NAALADL2: variants seen among roughly 807,000 people sequenced by gnomAD.
NAALADL2 encodes the protein inactive N-acetylated-alpha-linked acidic dipeptidase-like protein 2.
In NAALADL2, 76 loss-of-function variants were observed where a neutral mutation model predicts 87.2. That is an observed-to-expected ratio of 0.87 (90% CI 0.72 to 1.05). The LOEUF (loss-of-function observed/expected upper bound fraction) is 1.05. Among genes scored for constraint, NAALADL2 ranks in the 50% least tolerant of loss-of-function variants. NAALADL2 has a pLI of 0.00. For synonymous variants in NAALADL2, 354 were observed against 331.0 expected (o/e 1.07, Z -0.75); for missense variants, 1,089 against 945.8 (o/e 1.15, Z -1.99).
At chr3:174,539,524 A>T (rs4336135) in intron 1 of NAALADL2, among the ~76,000 whole-genome samples, 32,216 of 151,918 alleles carry the variant, frequency 0.21, 4,921 homozygotes, top group East Asian at 0.52. Flanking sequence ...CATTCTAGAG[A>T]CTTACTTATG....
intron 3 of NAALADL2, among the ~76,000 whole-genome samples, chr3:174,825,944 G>A (rs1474687745): frequency 6.6e-6 from 1 of 151,932 alleles, no homozygotes; most frequent in Non-Finnish European, 1.5e-5. Flanking sequence ...GGAGAATGGC[G>A]TGAACCCTGG....
intron 1 of NAALADL2, among the ~76,000 whole-genome samples, chr3:174,875,322 T>G (rs1728372752): frequency 6.6e-6 from 1 of 151,908 alleles, no homozygotes; most frequent in Non-Finnish European, 1.5e-5. Context: ...AAAGCAGGAG[T>G]GAAAAGAGTA....
At position 174,924,818 on chromosome 3, in the gene NAALADL2, A is replaced by G. The variant is rs1441945722; in HGVS notation, c.43+65368A>G. Among the ~76,000 whole-genome samples, 8 of 152,140 alleles carry G rather than the reference A, an allele frequency of 5.3e-5. No homozygotes were observed. In the South Asian group the frequency reaches 6.2e-4, roughly 12 times the overall value. On this transcript the variant is annotated intron_variant, in intron 1 of 13. Transcript: ENST00000454872. ...TGCATTTCTCTGATGGCCAGTGATG[A>G]TGAGCATTTTTTCAAGAGTCTGTTG...
At chr3:175,609,825 G>A (rs182579612) in intron 10 of NAALADL2, among the ~76,000 whole-genome samples, 3 of 152,198 alleles carry the variant, frequency 2.0e-5, no homozygotes, top group East Asian at 1.9e-4. Flanking sequence ...ACGACTTGCA[G>A]TTTTGATGAG....
At chr3:175,522,693 T>C (rs951212228) in intron 9 of NAALADL2, among the ~76,000 whole-genome samples, 1 of 152,248 alleles carries the variant, frequency 6.6e-6, no homozygotes, top group African/African-American at 2.4e-5. Flanking sequence ...ACTTCTGATA[T>C]TGTCTTCTCA....
chr3:175,155,220 C>T (rs1415902900), intron 2 of NAALADL2, among the ~76,000 whole-genome samples: 1 of 152,128 alleles, frequency 6.6e-6, no homozygotes, highest in Non-Finnish European at 1.5e-5. Context: ...ATGAGAGTTT[C>T]AGAGGTCTCC....
intron 1 of NAALADL2, among the ~76,000 whole-genome samples, chr3:175,024,460 T>A (rs975605833): frequency 1.3e-5 from 2 of 152,100 alleles, no homozygotes; most frequent in African/African-American, 4.8e-5. Flanking sequence ...AAATAGGAGA[T>A]ACCTGCTAGG....
At chr3:174,588,236 G>C (rs545355619) in intron 2 of NAALADL2, among the ~76,000 whole-genome samples, 104 of 152,208 alleles carry the variant, frequency 6.8e-4, no homozygotes, top group African/African-American at 2.4e-3. Context: ...TCATTAAGGT[G>C]TTCTCTATGC....
intron 2 of NAALADL2, among the ~76,000 whole-genome samples, chr3:175,143,262 G>A (rs1371145652): frequency 1.3e-5 from 2 of 151,872 alleles, no homozygotes; most frequent in Non-Finnish European, 2.9e-5. Flanking sequence ...ATTTCCCCAC[G>A]TTTTAGTGCA....
In NAALADL2 at chr3:175,447,231, G is replaced by T; in HGVS notation, c.1093G>T (p.Glu365Ter). 1.3e-6 allele frequency: 2 copies of T among 1,576,016 alleles called. No homozygotes were observed. The highest frequency in any genetic ancestry group is 1.7e-6 in the Non-Finnish European group (2 of 1,165,774). The change falls in exon 6 of 14, where the codon GAA (glutamate) becomes TAA (stop). Residue 365 changes from glutamate to a stop codon, truncating the protein, a stop_gained and splice_region_variant. Transcript: ENST00000454872. LOFTEE classifies it high-confidence loss of function. ...CTTCCTTTGTCTTTTGAATACAGAT[G>T]AAAGTTTTAGACAAAGCCGATCAAA... is the stretch of plus-strand genomic sequence containing the variant. ...PSTPGYPSVD[E>*]SFRQSRSNLT...
intron 1 of NAALADL2, among the ~76,000 whole-genome samples, chr3:174,446,278 G>T (rs1172558613): frequency 6.6e-6 from 1 of 152,100 alleles, no homozygotes; most frequent in African/African-American, 2.4e-5. Flanking sequence ...CTTCAGAAGT[G>T]CTATGAATCC....
At chr3:174,966,460 G>A (rs1742889621) in intron 1 of NAALADL2, among the ~76,000 whole-genome samples, 1 of 152,160 alleles carries the variant, frequency 6.6e-6, no homozygotes, top group Non-Finnish European at 1.5e-5. Flanking sequence ...AAATGTGTTA[G>A]TGGTCCCAAA....
chr3:174,633,652 G>C (rs1722362416), intron 2 of NAALADL2, among the ~76,000 whole-genome samples: 1 of 152,168 alleles, frequency 6.6e-6, no homozygotes, highest in Admixed American at 6.5e-5. Context: ...CTTCCTTTTA[G>C]AGGCAAATTA....
rs77082643 is a variant in NAALADL2 at position 175,063,471 on chromosome 3, G to A, written c.44-33319G>A. Among the ~76,000 whole-genome samples the A allele has an allele frequency of 8.4e-4, 127 of 151,642 alleles. 1 individual carries two copies. The highest frequency in any genetic ancestry group is 2.7e-3 in the African/African-American group (113 of 41,366). On this transcript the variant is annotated intron_variant, in intron 1 of 13. Coordinates refer to ENST00000454872, the MANE Select transcript of NAALADL2 (RefSeq NM_207015.3). The stretch of plus-strand genomic sequence containing the variant: ...AGAGTAAAATATATATAAACAGCCT[G>A]TTTATATATATTTTACTGCTTTTGA...
At chr3:174,858,577 C>T (rs1398084200), upstream of NAALADL2, among the ~76,000 whole-genome samples, 3 of 151,864 alleles carry the variant, frequency 2.0e-5, no homozygotes, top group African/African-American at 4.8e-5. Flanking sequence ...TCAGGTCTCT[C>T]AGTTAATAAG....
intron 2 of NAALADL2, among the ~76,000 whole-genome samples, chr3:174,616,137 C>T (rs1720438289): frequency 1.3e-5 from 2 of 151,726 alleles, no homozygotes; most frequent in South Asian, 2.1e-4. Context: ...TTAGAGTGGT[C>T]ACAGGGTCTT....
chr3:175,076,855 T>C lies in NAALADL2; in HGVS notation c.44-19935T>C, dbSNP rs1275478016. On this transcript the variant is annotated intron_variant, in intron 1 of 13. Transcript: ENST00000454872. ...TAAAGGTACTGTTTATGTGCAAAGA[T>C]ATTGTTCAAATATAGTTCTATAGCA... 3.3e-5 allele frequency among the ~76,000 whole-genome samples: 5 copies of C among 152,222 alleles called. No homozygotes were observed. In the South Asian group the frequency reaches 6.2e-4, roughly 19 times the overall value.
At chr3:175,452,853 A>G (rs911838307) in intron 6 of NAALADL2, among the ~76,000 whole-genome samples, 4 of 152,102 alleles carry the variant, frequency 2.6e-5, no homozygotes, top group African/African-American at 9.7e-5. Flanking sequence ...GTAGGGGGGA[A>G]CCTATTGTCC....
chr3:175,634,093 A>G (rs1356153436), intron 11 of NAALADL2, among the ~76,000 whole-genome samples: 1 of 151,856 alleles, frequency 6.6e-6, no homozygotes, highest in African/African-American at 2.4e-5. Flanking sequence ...CTTTATAGCT[A>G]TACATTTTAA....
Sources: allele counts gnomAD v4.1 joint callset (sites outside exome capture counted in the v4.1 genomes callset), GRCh38; gene constraint gnomAD v4.1.1; transcripts MANE v1.5; gene names NCBI Gene and HGNC (gene_info 2026-07-23, HGNC 2026-07-21).